Variants in MAP4 observed in about 807,000 individuals in gnomAD.
MAP4 encodes microtubule-associated protein 4.
In MAP4, 76 loss-of-function variants were observed where a neutral mutation model predicts 170.2. The ratio of observed to expected loss-of-function variants is 0.45; its 90% CI spans 0.37 to 0.54. MAP4 has a LOEUF of 0.54. MAP4 is among the 20% of genes least tolerant of loss of function. The probability of loss-of-function intolerance (pLI) is 0.00; values close to 1 mark genes in which losing one functional copy is unlikely to be tolerated. For missense variants in MAP4, 2,506 were observed against 2,748.0 expected, an observed-to-expected ratio of 0.91 and a Z score of 1.97; for synonymous variants, 909 against 994.5, an observed-to-expected ratio of 0.91 and a Z score of 1.62.
At position 47,892,666 on chromosome 3, in the gene MAP4, TGAAAGAAA is replaced by T; in HGVS notation, c.5434+10276_5434+10283del. 11 of 1,359,638 alleles carry T rather than the reference TGAAAGAAA, an allele frequency of 8.1e-6. No homozygotes were observed. The South Asian group carries it at 2.0e-4, about 25-fold the overall frequency. The allele number at this position is 1,359,638 out of a possible 1,614,324, so 84.2% of individuals were successfully genotyped here. A position where few individuals can be genotyped will look rare whatever the true frequency, so the allele number is the denominator to read the frequency against. Reference sequence around the variant, plus strand: ...TGAGTATTAAATGCACTTACAAATGTGAAAGAAAGAAAGAAAGGAAGAATGAATGAAAG... The same window carrying T: ...TGAGTATTAAATGCACTTACAAATGTGAAAGAAAGGAAGAATGAATGAAAG... On this transcript the variant is annotated intron_variant, in intron 10 of 20. Transcript: ENST00000683076.
intron 1 of MAP4, among the ~76,000 whole-genome samples, chr3:48,001,695 C>A (rs1464881873): frequency 6.6e-6 from 1 of 151,982 alleles, no homozygotes; most frequent in African/African-American, 2.4e-5. Flanking sequence ...AGACAGGGTG[C>A]CACCATGTTG....
At chr3:47,965,803 T>C (rs1366749918) in intron 3 of MAP4, among the ~76,000 whole-genome samples, 1 of 152,178 alleles carries the variant, frequency 6.6e-6, no homozygotes, top group East Asian at 1.9e-4. Context: ...CCTGAGAAGA[T>C]ATAAGATTTG....
intron 4 of MAP4, among the ~76,000 whole-genome samples, chr3:47,922,873 C>A (rs868811226): frequency 6.6e-6 from 1 of 152,100 alleles, no homozygotes; most frequent in Admixed American, 6.6e-5. Context: ...TAGAGTGAAA[C>A]CCCGTCTCTA....
At chr3:47,947,965 C>T (rs2100061216) in intron 3 of MAP4, among the ~76,000 whole-genome samples, 1 of 151,828 alleles carries the variant, frequency 6.6e-6, no homozygotes, top group Non-Finnish European at 1.5e-5. Context: ...AAGTCTATGT[C>T]TTTTGTACCC....
chr3:47,975,153 C>A, intron 3 of MAP4: 4 of 1,134,318 alleles, frequency 3.5e-6, no homozygotes, highest in African/African-American at 1.6e-5. Context: ...ATAAAGAAAA[C>A]AAGAAATAAA....
intron 3 of MAP4, among the ~76,000 whole-genome samples, chr3:47,969,624 A>G (rs2100077354): frequency 1.3e-5 from 2 of 152,138 alleles, no homozygotes; most frequent in African/African-American, 4.8e-5. Context: ...TATTCTAGCT[A>G]TTGCTACAGC....
intron 9 of MAP4, among the ~76,000 whole-genome samples, chr3:47,907,852 T>G (rs1293231698): frequency 6.6e-6 from 1 of 152,176 alleles, no homozygotes; most frequent in Non-Finnish European, 1.5e-5. Context: ...TAATAGAAGA[T>G]AAAAACAGAG....
Position 47,901,396 on chromosome 3 carries a change from C to T in MAP4, c.5434+1554G>A, listed in dbSNP as rs568850157. Among the ~76,000 whole-genome samples, 24 of 152,214 alleles carry T rather than the reference C, an allele frequency of 1.6e-4. 1 individual carries two copies. The South Asian group carries it at 4.6e-3, about 29-fold the overall frequency. ...AAAAGTACAAATCATGCTGTGTGTC[C>T]GCTATTTGCAGAGCAATAGGCAATG... On this transcript the variant is annotated intron_variant, in intron 10 of 20. Coordinates refer to ENST00000683076, the MANE Select transcript of MAP4 (RefSeq NM_001385682.1).
chr3:47,912,118 A>T lies in MAP4; in HGVS notation c.2303T>A (p.Met768Lys). Reference sequence around the variant, plus strand: ...CTTTGGTTTCTTCTTCTTTTTCTTCATCATTATTGGTGTGCTTTCTATATC... The same window carrying T: ...CTTTGGTTTCTTCTTCTTTTTCTTCTTCATTATTGGTGTGCTTTCTATATC... ...AWDIESTPIM[M>K]KKKKKKPKQK... is the part of the protein sequence containing the mutation. The change falls in exon 9 of 21, where the codon ATG becomes AAG. Residue 768 changes from methionine to lysine, a missense_variant. Around this residue, in one of 3 missense-constraint regions of MAP4, gnomAD observed 2,008 missense variants for 2,206.0 expected, o/e 0.91. Transcript: ENST00000683076. 1 of 1,535,992 alleles carries T rather than the reference A, an allele frequency of 6.5e-7. No individual in the cohort carries two copies. Among genetic ancestry groups the T allele is most frequent in the South Asian group, 1.2e-5 (1 of 84,046 alleles).
intron 3 of MAP4, among the ~76,000 whole-genome samples, chr3:47,942,464 T>C (rs186158946): frequency 3.7e-4 from 57 of 152,296 alleles, no homozygotes; most frequent in African/African-American, 1.3e-3. Flanking sequence ...TAATTATAGC[T>C]CACTGCAGCC....
intron 1 of MAP4, among the ~76,000 whole-genome samples, chr3:48,043,869 C>T (rs571765652): frequency 1.3e-5 from 2 of 151,938 alleles, no homozygotes; most frequent in African/African-American, 4.8e-5. Context: ...AAAATTGAGA[C>T]GGAGTCTCGC....
intron 3 of MAP4, chr3:47,974,135 T>A (rs183473109): frequency 2.2e-4 from 213 of 985,048 alleles, no homozygotes; most frequent in Admixed American, 1.7e-3. Flanking sequence ...TCTAAAACAA[T>A]GTATATCTGG....
At chr3:47,994,144 T>A (rs1275222914) in intron 2 of MAP4, among the ~76,000 whole-genome samples, 1 of 152,184 alleles carries the variant, frequency 6.6e-6, no homozygotes, top group South Asian at 2.1e-4. Context: ...TTTCTTCATT[T>A]TTCTTCATTT....
At chr3:48,045,785 C>T (rs2100124217) in intron 1 of MAP4, among the ~76,000 whole-genome samples, 1 of 152,246 alleles carries the variant, frequency 6.6e-6, no homozygotes, top group Non-Finnish European at 1.5e-5. Flanking sequence ...TTGTGATCCG[C>T]CTGCCTCGGC....
intron 17 of MAP4, among the ~76,000 whole-genome samples, chr3:47,861,977 C>T (rs906483455): frequency 6.6e-6 from 1 of 151,638 alleles, no homozygotes; most frequent in South Asian, 2.1e-4. Context: ...CTGGCTAACA[C>T]GGTGAAACCC....
chr3:47,934,459 G>A (rs1367352138), intron 3 of MAP4, among the ~76,000 whole-genome samples: 1 of 152,024 alleles, frequency 6.6e-6, no homozygotes, highest in African/African-American at 2.4e-5. Context: ...GTGCCATCAC[G>A]CTCGGCTAAT....
rs1014486851 is a variant in MAP4 at position 47,910,750 on chromosome 3, T to C, written c.3671A>G (p.Asn1224Ser). ...NEGKSKKFKN[N>S]YSTQPARMER... ...CATTCTAGCAGGCTGTGTGGAATAA[T>C]TATTTTTAAACTTTTTGCTTTTGCC... Residue 1224 changes from asparagine (N) to serine (S), a missense_variant, in exon 9 of 21, where the codon AAT becomes AGT. Asn to Ser is a conservative substitution (Grantham distance 46, BLOSUM62 1). Around this residue, in one of 3 missense-constraint regions of MAP4, gnomAD observed 2,008 missense variants for 2,206.0 expected, o/e 0.91. Coordinates refer to ENST00000683076, the MANE Select transcript of MAP4 (RefSeq NM_001385682.1). 5.9e-6 allele frequency: 9 copies of C among 1,536,146 alleles called. No individual in the cohort carries two copies. Among genetic ancestry groups the C allele is most frequent in the South Asian group, 3.6e-5 (3 of 84,066 alleles).
intron 1 of MAP4, among the ~76,000 whole-genome samples, chr3:48,012,178 T>A (rs1200525037): frequency 6.6e-6 from 1 of 152,176 alleles, no homozygotes; most frequent in Non-Finnish European, 1.5e-5. Context: ...ACACTCCCAT[T>A]CTGAACCAAT....
At chr3:47,890,995 C>A in intron 10 of MAP4, 1 of 1,446,188 alleles carries the variant, frequency 6.9e-7, no homozygotes, top group South Asian at 1.5e-5. Context: ...TCTGCTTGTT[C>A]CCAATGGAGG....
Sources: allele counts gnomAD v4.1 joint callset (sites outside exome capture counted in the v4.1 genomes callset), GRCh38; gene constraint gnomAD v4.1.1; regional missense constraint gnomAD v4.1.1; transcripts MANE v1.5; gene names NCBI Gene and HGNC (gene_info 2026-07-23, HGNC 2026-07-21).